The following XRN1 variants were observed in gnomAD, a reference collection of about 807,000 sequenced individuals.
XRN1 encodes the protein strand-exchange protein 1 homolog.
In XRN1, 67 loss-of-function variants were observed where a neutral mutation model predicts 222.3. The ratio of observed to expected loss-of-function variants is 0.30; its 90% CI spans 0.25 to 0.37. The LOEUF is 0.37. XRN1 is among the 10% of genes least tolerant of loss of function. XRN1 has a pLI of 1.00. For missense variants in XRN1, 1,707 were observed against 2,000.2 expected (o/e 0.85, Z 2.80); for synonymous variants, 643 against 652.4 (o/e 0.99, Z 0.22).
intron 33 of XRN1, among the ~76,000 whole-genome samples, chr3:142,343,055 A>T (rs939799139): frequency 6.6e-6 from 1 of 152,218 alleles, no homozygotes; most frequent in Non-Finnish European, 1.5e-5. Flanking sequence ...AGAATATATA[A>T]GGAGCTCAAA....
At position 142,384,516 on chromosome 3, in the gene XRN1, G is replaced by A; in HGVS notation, c.2502+7C>T. 1 of 1,606,962 alleles carries A rather than the reference G, an allele frequency of 6.2e-7. No homozygotes were observed. The highest frequency in any genetic ancestry group is 1.1e-5 in the South Asian group (1 of 89,618). On this transcript the variant is annotated splice_region_variant and intron_variant, in intron 21 of 40. Coordinates refer to ENST00000392981, the MANE Select transcript of XRN1 (RefSeq NM_001282857.2). ...TAAGACAGAATTGAAACTTGATATA[G>A]ACTTACCTTGACAATAGTTTGATAA...
At chr3:142,340,425 T>C (rs1391804296) in intron 33 of XRN1, among the ~76,000 whole-genome samples, 1 of 150,560 alleles carries the variant, frequency 6.6e-6, no homozygotes, top group East Asian at 1.9e-4. Context: ...GTCTACGAGA[T>C]CTAGAAAACA....
intron 33 of XRN1, among the ~76,000 whole-genome samples, chr3:142,343,881 C>T (rs1319009007): frequency 6.6e-6 from 1 of 152,106 alleles, no homozygotes; most frequent in Non-Finnish European, 1.5e-5. Context: ...GGTACATATA[C>T]ACAATGGAGT....
chr3:142,371,164 G>C, intron 26 of XRN1, 75 bp downstream of exon 26: 2 of 972,932 alleles, frequency 2.1e-6, no homozygotes, highest in Non-Finnish European at 3.1e-6. Flanking sequence ...TGAAATTCTT[G>C]AGAAACCAGC....
chr3:142,340,077 T>C (rs2065950787), intron 33 of XRN1, among the ~76,000 whole-genome samples: 1 of 150,852 alleles, frequency 6.6e-6, no homozygotes, highest in African/African-American at 2.4e-5. Flanking sequence ...ATATATAGGC[T>C]GGGCGCAGTG....
intron 40 of XRN1, among the ~76,000 whole-genome samples, chr3:142,312,324 T>C: frequency 6.6e-6 from 1 of 152,210 alleles, no homozygotes; most frequent in Non-Finnish European, 1.5e-5. Context: ...CAATTCTTCA[T>C]AGGTTATTTT....
chr3:142,367,853 C>T (rs2066866853), intron 27 of XRN1, among the ~76,000 whole-genome samples: 1 of 151,720 alleles, frequency 6.6e-6, no homozygotes, highest in African/African-American at 2.4e-5. Context: ...AATGATGATC[C>T]TGCATTACTA....
rs1438729583 is a variant in XRN1, at chr3:142,318,579, A to C, written c.4621+13T>G. 6 of 1,583,616 alleles carry C rather than the reference A, an allele frequency of 3.8e-6. No homozygotes were observed. Among genetic ancestry groups the C allele is most frequent in the Non-Finnish European group, 5.2e-6 (6 of 1,162,896 alleles). On this transcript the variant is annotated intron_variant, in intron 39 of 40. Coordinates refer to ENST00000392981, the MANE Select transcript of XRN1 (RefSeq NM_001282857.2). ...ACTCAATGACAAATACTTATAAATG[A>C]AAAATATCTTACCAGTAGGTGGGGG...
At position 142,421,050 on chromosome 3, in the gene XRN1, T is replaced by C; in HGVS notation, c.1139A>G (p.Glu380Gly). ...LNEAAGVAAEEARNYKEKKKL... is the reference protein window; with the variant it reads ...LNEAAGVAAEGARNYKEKKKL... ...TTTCTTTTCCTTGTAGTTCCTGGCT[T>C]CTTCTGCTGCGACACCTGCTGCTTC... is the stretch of plus-strand genomic sequence containing the variant. The change falls in exon 10 of 41, where the codon GAA (glutamate) becomes GGA (glycine). Residue 380 changes from glutamate (E) to glycine (G), a missense_variant. Coordinates refer to ENST00000392981, the MANE Select transcript of XRN1 (RefSeq NM_001282857.2). 1.2e-6 allele frequency: 2 copies of C among 1,614,068 alleles called. No homozygotes were observed. Among genetic ancestry groups the C allele is most frequent in the Non-Finnish European group, 1.7e-6 (2 of 1,179,968 alleles).
chr3:142,365,939 T>G (rs759836070), intron 27 of XRN1, among the ~76,000 whole-genome samples: 3 of 152,212 alleles, frequency 2.0e-5, no homozygotes, highest in Non-Finnish European at 2.9e-5. Context: ...TGTGGCCACT[T>G]ATAAAAATTA....
rs2065025460 is a variant in XRN1 at position 142,309,054 on chromosome 3, G to C, written c.*2457C>G. ...CTGCTTCTTACATCCTCCATAGGGAGGGCACATCTCCCATTGACCTCAGGC... is the reference window on the plus strand; with the variant it reads ...CTGCTTCTTACATCCTCCATAGGGACGGCACATCTCCCATTGACCTCAGGC... On this transcript the variant is annotated 3_prime_UTR_variant, in exon 41 of 41. Coordinates refer to ENST00000392981, the MANE Select transcript of XRN1 (RefSeq NM_001282857.2). 1 of 152,046 alleles carries C rather than the reference G, an allele frequency of 6.6e-6. No individual in the cohort carries two copies. Among genetic ancestry groups the C allele is most frequent in the South Asian group, 2.1e-4 (1 of 4,812 alleles). 9.4% of individuals were successfully genotyped at this position (152,046 alleles called of 1,614,324 possible).
At chr3:142,431,869 ATT>A (rs1559879343) in intron 2 of XRN1, among the ~76,000 whole-genome samples, 1 of 71,316 alleles carries the variant, frequency 1.4e-5, no homozygotes, top group African/African-American at 8.0e-5. Context: ...TATATAATAT[ATT>A]ATATTATATA....
intron 39 of XRN1, among the ~76,000 whole-genome samples, chr3:142,313,555 A>G (rs1279661016): frequency 1.3e-5 from 2 of 152,334 alleles, no homozygotes; most frequent in South Asian, 2.1e-4. Flanking sequence ...ACTATGTTCA[A>G]ATATTCTTTT....
At chr3:142,345,077 A>C (rs1354700103) in intron 33 of XRN1, among the ~76,000 whole-genome samples, 4 of 152,216 alleles carry the variant, frequency 2.6e-5, no homozygotes, top group Non-Finnish European at 5.9e-5. Context: ...TTGAGAGTCC[A>C]GAAATGAACC....
At chr3:142,358,846 G>A (rs2066538191) in intron 30 of XRN1, among the ~76,000 whole-genome samples, 1 of 152,080 alleles carries the variant, frequency 6.6e-6, no homozygotes, top group Admixed American at 6.6e-5. Flanking sequence ...TTCATGTAAG[G>A]AGGTTAAAAA....
intron 3 of XRN1, 107 bp downstream of exon 3, chr3:142,426,637 A>C: frequency 4.7e-6 from 5 of 1,058,604 alleles, no homozygotes; most frequent in Admixed American, 2.5e-5. Context: ...CAGTAAATGG[A>C]ACCCTAAGGC....
intron 37 of XRN1, among the ~76,000 whole-genome samples, chr3:142,326,472 T>C (rs187902348): frequency 6.6e-5 from 10 of 152,146 alleles, no homozygotes; most frequent in African/African-American, 2.4e-4. Context: ...GCTGTCAGTA[T>C]ATAGAAATGT....
intron 27 of XRN1, among the ~76,000 whole-genome samples, chr3:142,368,321 G>A (rs2107876201): frequency 1.3e-5 from 2 of 152,062 alleles, no homozygotes; most frequent in Middle Eastern, 6.8e-3. Flanking sequence ...GCTAATTTTT[G>A]TATTTTTATT....
chr3:142,387,411 T>C (rs1180188530), intron 20 of XRN1, among the ~76,000 whole-genome samples: 4 of 152,226 alleles, frequency 2.6e-5, no homozygotes, highest in Non-Finnish European at 5.9e-5. Context: ...TCTTGACTTG[T>C]ATTCTTGTTC....
Sources: gnomAD v4.1 joint callset for allele counts (sites outside exome capture counted in the v4.1 genomes callset) on GRCh38, gnomAD v4.1.1 for gene constraint, MANE v1.5 for transcripts, NCBI Gene and HGNC (gene_info 2026-07-23, HGNC 2026-07-21) for gene names.